The following CIBAR2 variants were observed in gnomAD, a reference collection of about 807,000 sequenced individuals.
CIBAR2 encodes CBY1 interacting BAR domain containing 2.
In CIBAR2, 38 loss-of-function variants were observed where a neutral mutation model predicts 36.2. The ratio of observed to expected loss-of-function variants is 1.05; its 90% confidence interval spans 0.81 to 1.38. The LOEUF is 1.38. CIBAR2 is among the 40% of genes most tolerant of loss of function. The pLI, the probability that CIBAR2 is intolerant of heterozygous loss-of-function variation, is 0.00. For synonymous variants in CIBAR2, 182 were observed against 149.5 expected (o/e 1.22, Z -1.58); for missense variants, 481 against 383.4 (o/e 1.25, Z -2.13).
In CIBAR2 at chr16:85,108,061, CT is replaced by C. The variant is rs768489264; in HGVS notation, c.293del (p.Lys98SerfsTer34). On this transcript the variant is annotated frameshift_variant, in exon 3 of 9. Transcript: ENST00000539556. LOFTEE classifies it high-confidence loss of function. ...RLETKVVNPL[K>X]LYGAQIKQTR... ...TCTGCTTGATCTGTGCCCCGTAGAG[CT>C]TCAGGGGGTTGACCACCTTGGTCTC... 8 of 1,613,228 alleles carry C rather than the reference CT, an allele frequency of 5.0e-6. No homozygotes were observed. The Admixed American group carries it at 1.0e-4, about 20-fold the overall frequency.
intron 7 of CIBAR2, 83 bp downstream of exon 7, chr16:85,102,131 C>A (rs2073960088): frequency 1.3e-6 from 1 of 775,218 alleles, no homozygotes; most frequent in Non-Finnish European, 2.2e-6. Context: ...ATGTTACCAA[C>A]AAAAACGACT....
At position 85,099,241 on chromosome 16, in the gene CIBAR2, C is replaced by T. The variant is rs1157726335; in HGVS notation, c.859G>A (p.Ala287Thr). The T allele has an allele frequency of 6.2e-7, 1 of 1,611,656 alleles. No individual in the cohort carries two copies. The highest frequency in any genetic ancestry group is 8.5e-7 in the Non-Finnish European group (1 of 1,178,868). ...LCEWVVKGQP[A>T]HCVCGQGGHL... ...CCACCCTGCCCACACACACAGTGGGCTGGCTGCCCCTTAACCACCCACTCA... is the reference window on the plus strand; with the variant it reads ...CCACCCTGCCCACACACACAGTGGGTTGGCTGCCCCTTAACCACCCACTCA... Residue 287 changes from alanine to threonine, a missense_variant, in exon 9 of 9, where the codon GCC becomes ACC. Transcript: ENST00000539556.
At chr16:85,109,713 G>T (rs1435203792) in intron 2 of CIBAR2, among the ~76,000 whole-genome samples, 2 of 152,166 alleles carry the variant, frequency 1.3e-5, no homozygotes, top group Non-Finnish European at 2.9e-5. Flanking sequence ...TTCCTAGGCT[G>T]ATCTTAAACT....
At chr16:85,110,201 C>G in intron 2 of CIBAR2, 25 bp downstream of exon 2, 1 of 1,525,904 alleles carries the variant, frequency 6.6e-7, no homozygotes, top group South Asian at 1.2e-5. Flanking sequence ...CCTCAGCATC[C>G]CAGACCCGGG....
intron 1 of CIBAR2, among the ~76,000 whole-genome samples, chr16:85,111,389 C>G (rs139004431): frequency 0.012 from 1,816 of 152,288 alleles, 22 homozygotes; most frequent in Middle Eastern, 0.041. Context: ...ATCTTGCTAC[C>G]GGTCACACAG....
intron 6 of CIBAR2, among the ~76,000 whole-genome samples, chr16:85,104,796 A>G (rs1290508468): frequency 6.6e-6 from 1 of 152,194 alleles, no homozygotes; most frequent in Non-Finnish European, 1.5e-5. Context: ...GAGATGGGGA[A>G]GGAATCTCTG....
rs757927247 is a variant in CIBAR2, at chr16:85,107,984, A to T, written c.325-37T>A. 3.7e-6 allele frequency: 6 copies of T among 1,613,192 alleles called. No individual in the cohort carries two copies. In the Middle Eastern group the frequency reaches 8.2e-4, roughly 221 times the overall value. On this transcript the variant is annotated intron_variant, in intron 3 of 8. Coordinates refer to ENST00000539556, the MANE Select transcript of CIBAR2 (RefSeq NM_198491.3). ...GAGGAGGGTTGTTTCCTGGGATCCC[A>T]CAGGGCAAGACAGGGATGCCACCCA... is the stretch of plus-strand genomic sequence containing the variant.
At position 85,110,720 on chromosome 16, in the gene CIBAR2, T is replaced by TTTTTTTTTTC. The variant is rs778091487; in HGVS notation, c.21-261_21-260insGAAAAAAAAA. Among the ~76,000 whole-genome samples, 6 of 135,470 alleles carry TTTTTTTTTTC rather than the reference T, an allele frequency of 4.4e-5. 2 individuals are homozygous for TTTTTTTTTTC. Among genetic ancestry groups the TTTTTTTTTTC allele is most frequent in the Non-Finnish European group, 3.1e-5 (2 of 63,636 alleles). 88.9% of individuals were successfully genotyped at this position (135,470 alleles called of 152,430 possible). A position where few individuals can be genotyped will look rare whatever the true frequency, so the allele number is the denominator to read the frequency against. On this transcript the variant is annotated intron_variant, in intron 1 of 8. Coordinates refer to ENST00000539556, the MANE Select transcript of CIBAR2 (RefSeq NM_198491.3). ...AGACCTGGCCTTTTTTTTTTTTTTT[T>TTTTTTTTTTC]TGGAGACAGAGTCTTGCTCTGTCAC...
In CIBAR2 at chr16:85,100,255, C is replaced by G. The variant is rs1222342783; in HGVS notation, c.652-15G>C. ...GCTCTAAAATCCTGCCGGGGAGAGA[C>G]CAGGGTGGGTGGGATCCGATGGGAA... On this transcript the variant is annotated splice_polypyrimidine_tract_variant and intron_variant, in intron 7 of 8. Transcript: ENST00000539556. 6.3e-7 allele frequency: 1 copy of G among 1,583,706 alleles called. No homozygotes were observed. The highest frequency in any genetic ancestry group is 2.3e-5 in the East Asian group (1 of 44,242).
At chr16:85,102,985 TC>T (rs1352699238) in intron 6 of CIBAR2, among the ~76,000 whole-genome samples, 1 of 151,588 alleles carries the variant, frequency 6.6e-6, no homozygotes, top group Non-Finnish European at 1.5e-5. Flanking sequence ...CACTGCAATC[TC>T]CGCCTCCCGG....
intron 6 of CIBAR2, among the ~76,000 whole-genome samples, chr16:85,103,153 G>A (rs1597666060): frequency 6.6e-6 from 1 of 152,172 alleles, no homozygotes; most frequent in East Asian, 1.9e-4. Context: ...TCCGCAGGAG[G>A]GCTCCACTTT....
chr16:85,107,468 T>C (rs1308356668), intron 5 of CIBAR2, among the ~76,000 whole-genome samples, 199 bp downstream of exon 5: 1 of 152,152 alleles, frequency 6.6e-6, no homozygotes, highest in Non-Finnish European at 1.5e-5. Flanking sequence ...GAGGGACTGA[T>C]GGTATCAATA....
chr16:85,109,087 G>A (rs1322793905), intron 2 of CIBAR2, among the ~76,000 whole-genome samples: 1 of 151,812 alleles, frequency 6.6e-6, no homozygotes, highest in African/African-American at 2.4e-5. Context: ...TCACAGAGCC[G>A]TGAGAAGTTT....
chr16:85,111,306 C>G (rs1419179099), intron 1 of CIBAR2, among the ~76,000 whole-genome samples: 1 of 152,208 alleles, frequency 6.6e-6, no homozygotes, highest in Non-Finnish European at 1.5e-5. Flanking sequence ...TCCACATGCA[C>G]CGCCCTATAA....
chr16:85,107,707 C>T (rs2144170681), intron 4 of CIBAR2, 35 bp from the exon 5 acceptor site: 1 of 1,613,804 alleles, frequency 6.2e-7, no homozygotes, highest in Middle Eastern at 1.7e-4. Context: ...CAAGTTAAGC[C>T]CAGGCAGCCC....
chr16:85,110,975 G>C (rs2074038185), intron 1 of CIBAR2, among the ~76,000 whole-genome samples: 2 of 152,140 alleles, frequency 1.3e-5, no homozygotes, highest in African/African-American at 2.4e-5. Flanking sequence ...AAAGTGCTGG[G>C]ATGACAGGCA....
chr16:85,109,308 G>C (rs2074022394), intron 2 of CIBAR2, among the ~76,000 whole-genome samples: 1 of 152,064 alleles, frequency 6.6e-6, no homozygotes, highest in South Asian at 2.1e-4. Flanking sequence ...CCCGTTACCA[G>C]GTGAAAGTAG....
chr16:85,100,865 G>A (rs2073949973), intron 7 of CIBAR2, among the ~76,000 whole-genome samples: 1 of 152,138 alleles, frequency 6.6e-6, no homozygotes, highest in South Asian at 2.1e-4. Context: ...GGCTAACACG[G>A]TGAAACCCCG....
chr16:85,111,161 G>A (rs1199349035), intron 1 of CIBAR2, among the ~76,000 whole-genome samples: 1 of 152,046 alleles, frequency 6.6e-6, no homozygotes, highest in East Asian at 1.9e-4. Context: ...GCGTGTAACT[G>A]TCCCTGCCTC....
Sources: gnomAD v4.1 joint callset for allele counts (sites outside exome capture counted in the v4.1 genomes callset) on GRCh38, gnomAD v4.1.1 for gene constraint, MANE v1.5 for transcripts, NCBI Gene and HGNC (gene_info 2026-07-23, HGNC 2026-07-21) for gene names.